The following CCDC91 variants were observed in gnomAD, a reference collection of about 807,000 sequenced individuals.
CCDC91 encodes the protein coiled-coil domain-containing protein 91.
A neutral mutation model predicts 63.2 loss-of-function variants in CCDC91; 48 were observed. That is an observed-to-expected ratio of 0.76 (90% CI 0.60 to 0.97). The LOEUF (loss-of-function observed/expected upper bound fraction) is 0.97, where lower values mean the gene tolerates loss of function less well. CCDC91 is among the 50% of genes least tolerant of loss of function. The pLI, the probability that CCDC91 is intolerant of heterozygous loss-of-function variation, is 0.00. For missense variants in CCDC91, 500 were observed against 494.6 expected, an observed-to-expected ratio of 1.01 and a Z score of -0.10; for synonymous variants, 167 against 165.8, an observed-to-expected ratio of 1.01 and a Z score of -0.06.
At chr12:28,367,683 T>G (rs1944362128) in intron 7 of CCDC91, among the ~76,000 whole-genome samples, 1 of 152,156 alleles carries the variant, frequency 6.6e-6, no homozygotes, top group South Asian at 2.1e-4. Flanking sequence ...ACAAAATGCA[T>G]GTCAGCACCC....
intron 3 of CCDC91, among the ~76,000 whole-genome samples, chr12:28,267,636 C>T (rs1243997227): frequency 7.9e-6 from 1 of 126,048 alleles, no homozygotes; most frequent in Admixed American, 9.5e-5. Flanking sequence ...TCATATATAC[C>T]TAATTAATAT....
At position 28,452,666 on chromosome 12, in the gene CCDC91, T is replaced by A; in HGVS notation, c.1101+12T>A. ...GAAAAATAAGTCAGGTTAGTAATATTAACTGTTAGTAAATATTTACTTTTT... is the reference window on the plus strand; with the variant it reads ...GAAAAATAAGTCAGGTTAGTAATATAAACTGTTAGTAAATATTTACTTTTT... On this transcript the variant is annotated intron_variant, in intron 11 of 12. Coordinates refer to ENST00000536442, the MANE Select transcript of CCDC91 (RefSeq NM_018318.5). The A allele has an allele frequency of 7.5e-7, 1 of 1,334,496 alleles. No homozygotes were observed. The highest frequency in any genetic ancestry group is 1.0e-6 in the Non-Finnish European group (1 of 979,068). The allele number at this position is 1,334,496 out of a possible 1,614,324, so 82.7% of individuals were successfully genotyped here. A position where few individuals can be genotyped will look rare whatever the true frequency, so the allele number is the denominator to read the frequency against.
chr12:28,461,113 CA>C (rs928813908), intron 11 of CCDC91, among the ~76,000 whole-genome samples: 27 of 149,750 alleles, frequency 1.8e-4, no homozygotes, highest in African/African-American at 6.1e-4. Flanking sequence ...TGTATCTAAA[CA>C]AAAAAAAAGA....
intron 3 of CCDC91, among the ~76,000 whole-genome samples, chr12:28,267,924 A>AATT (rs1947438222): frequency 1.2e-5 from 1 of 80,946 alleles, no homozygotes; most frequent in Admixed American, 1.9e-4. Context: ...TAATTATTAT[A>AATT]ATTATATATA....
chr12:28,273,182 T>C (rs1413023259), intron 3 of CCDC91, among the ~76,000 whole-genome samples: 3 of 152,162 alleles, frequency 2.0e-5, no homozygotes, highest in African/African-American at 4.8e-5. Context: ...TCCTTTTTTA[T>C]GGCTGCATAG....
chr12:28,533,283 C>T (rs1490617185), intron 12 of CCDC91, among the ~76,000 whole-genome samples: 4 of 151,924 alleles, frequency 2.6e-5, no homozygotes, highest in East Asian at 1.9e-4. Context: ...TTTTGAGATT[C>T]GTAGAATTGT....
At chr12:28,511,509 C>T (rs971570996) in intron 12 of CCDC91, among the ~76,000 whole-genome samples, 2 of 151,664 alleles carry the variant, frequency 1.3e-5, no homozygotes, top group African/African-American at 2.4e-5. Context: ...AAATGGTGGT[C>T]GTCTGTTTTC....
intron 1 of CCDC91, among the ~76,000 whole-genome samples, chr12:28,208,334 T>A (rs1408838665): frequency 6.6e-6 from 1 of 152,248 alleles, no homozygotes; most frequent in African/African-American, 2.4e-5. Flanking sequence ...TAATTATGAT[T>A]GATAGCATAT....
rs1031249756 is a variant in CCDC91 at position 28,190,513 on chromosome 12, G to C, written c.-143G>C. ...ACCCCAACCTGTGTGGCTGGGCCGC[G>C]GTCTCCCCTCAAGGGCCTGGGGCCG... On this transcript the variant is annotated 5_prime_UTR_variant, in exon 1 of 13. Transcript: ENST00000536442. 1 of 153,000 alleles carries C rather than the reference G, an allele frequency of 6.5e-6. No homozygotes were observed. The allele number at this position is 153,000 out of a possible 1,614,324, so 9.5% of individuals were successfully genotyped here.
chr12:28,213,972 C>T (rs1228971006), intron 1 of CCDC91, among the ~76,000 whole-genome samples: 1 of 152,088 alleles, frequency 6.6e-6, no homozygotes, highest in Non-Finnish European at 1.5e-5. Context: ...GCTCTTTCTT[C>T]CATTGCCAGG....
At chr12:28,318,538 C>T (rs1315771877) in intron 6 of CCDC91, among the ~76,000 whole-genome samples, 1 of 151,806 alleles carries the variant, frequency 6.6e-6, no homozygotes, top group African/African-American at 2.4e-5. Context: ...CAGACCCTGT[C>T]TCCAAAAAAA....
chr12:28,302,367 A>G (rs1207558797), intron 3 of CCDC91, among the ~76,000 whole-genome samples: 22 of 151,966 alleles, frequency 1.4e-4, no homozygotes, highest in Admixed American at 9.8e-4. Context: ...AATGTTTAGC[A>G]TGTATCTGTC....
At chr12:28,522,532 A>G (rs1478936684) in intron 12 of CCDC91, among the ~76,000 whole-genome samples, 1 of 152,018 alleles carries the variant, frequency 6.6e-6, no homozygotes, top group Non-Finnish European at 1.5e-5. Flanking sequence ...AAGCTCCTGG[A>G]TGCATTGATT....
At chr12:28,473,122 A>C (rs1382734799) in intron 11 of CCDC91, among the ~76,000 whole-genome samples, 2 of 152,182 alleles carry the variant, frequency 1.3e-5, no homozygotes, top group African/African-American at 4.8e-5. Flanking sequence ...TCTAGCTTGA[A>C]ACAAAAGCTA....
intron 8 of CCDC91, among the ~76,000 whole-genome samples, chr12:28,407,973 A>ATTTT (rs1187781061): frequency 7.8e-6 from 1 of 127,700 alleles, no homozygotes; most frequent in Admixed American, 7.9e-5. Context: ...TATTTTTTTT[A>ATTTT]TTTTTTATTT....
chr12:28,515,005 C>T (rs1283487999), intron 12 of CCDC91, among the ~76,000 whole-genome samples: 1 of 151,596 alleles, frequency 6.6e-6, no homozygotes, highest in Non-Finnish European at 1.5e-5. Context: ...GCACATAGAC[C>T]CCTCAACTTT....
intron 10 of CCDC91, 90 bp downstream of exon 10, chr12:28,450,508 G>T: frequency 1.1e-6 from 1 of 929,788 alleles, no homozygotes; most frequent in Non-Finnish European, 1.7e-6. Flanking sequence ...TTTATAAAAT[G>T]TTTCATTCCA....
intron 8 of CCDC91, among the ~76,000 whole-genome samples, chr12:28,420,693 C>G (rs970925910): frequency 4.6e-5 from 7 of 150,950 alleles, no homozygotes; most frequent in Non-Finnish European, 7.4e-5. Context: ...CCCATACTTG[C>G]AATTATAGAT....
At chr12:28,442,916 A>C (rs1949302620) in intron 8 of CCDC91, among the ~76,000 whole-genome samples, 1 of 152,070 alleles carries the variant, frequency 6.6e-6, no homozygotes. Context: ...TATCAGTTCT[A>C]TAACTGTTTC....
Sources: gnomAD v4.1 joint callset for allele counts (sites outside exome capture counted in the v4.1 genomes callset) on GRCh38, gnomAD v4.1.1 for gene constraint, MANE v1.5 for transcripts, NCBI Gene and HGNC (gene_info 2026-07-23, HGNC 2026-07-21) for gene names.